Variants in JADE3 observed in about 807,000 individuals in gnomAD.
JADE3 encodes jade family PHD finger 3, also known as protein Jade-3.
JADE3 carries 2 observed loss-of-function variants against 50.1 expected under a neutral mutation model. The ratio of observed to expected loss-of-function variants is 0.04; its 90% CI spans 0.02 to 0.13. The LOEUF (loss-of-function observed/expected upper bound fraction) is 0.13. Among genes scored for constraint, JADE3 ranks in the 10% least tolerant of loss-of-function variants. The probability of loss-of-function intolerance (pLI) is 1.00; values close to 1 mark genes in which losing one functional copy is unlikely to be tolerated. For synonymous variants in JADE3, 218 were observed against 232.9 expected (o/e 0.94, Z 0.58); for missense variants, 475 against 634.4 (o/e 0.75, Z 2.70).
chrX:46,986,385 A>G (rs970232651), intron 3 of JADE3, among the ~76,000 whole-genome samples: 4 of 112,466 alleles, frequency 3.6e-5, no homozygotes, highest in African/African-American at 6.5e-5. Context: ...TTCATTTTCT[A>G]TCTCCTTTAG....
chrX:46,954,082 G>T (rs1042731802), intron 1 of JADE3, among the ~76,000 whole-genome samples: 1 of 111,665 alleles, frequency 9.0e-6, no homozygotes, highest in Non-Finnish European at 1.9e-5. Flanking sequence ...AACCTGGAGG[G>T]GGGTGGGAAT....
intron 5 of JADE3, among the ~76,000 whole-genome samples, chrX:47,027,234 A>C (rs1185586874): frequency 8.9e-6 from 1 of 112,424 alleles, no homozygotes; most frequent in Non-Finnish European, 1.9e-5. Context: ...GGAAGCAAAG[A>C]AGGTAATTCC....
intron 1 of JADE3, among the ~76,000 whole-genome samples, chrX:46,929,286 C>G (rs1926442301): frequency 8.9e-6 from 1 of 112,446 alleles, no homozygotes; most frequent in African/African-American, 3.2e-5. Flanking sequence ...ATTTAGCTCT[C>G]TTTGGAATAA....
At chrX:46,925,322 T>G (rs1434818088) in intron 1 of JADE3, among the ~76,000 whole-genome samples, 4 of 112,377 alleles carry the variant, frequency 3.6e-5, no homozygotes, top group African/African-American at 1.3e-4. Context: ...CTTTTATTTT[T>G]AAGGGAATAA....
chrX:46,957,076 C>CAG (rs1444800874), intron 1 of JADE3, among the ~76,000 whole-genome samples: 3 of 111,501 alleles, frequency 2.7e-5, no homozygotes, highest in Non-Finnish European at 5.6e-5. Flanking sequence ...CCACCTGCCT[C>CAG]AGCCTCCCAA....
intron 1 of JADE3, among the ~76,000 whole-genome samples, chrX:46,977,041 AGCT>A (rs1927642342): frequency 8.9e-6 from 1 of 112,050 alleles, no homozygotes; most frequent in African/African-American, 3.2e-5. Flanking sequence ...ACATACAAAA[AGCT>A]GTACATAGTT....
At chrX:47,039,101 A>C (rs1556368953) in intron 8 of JADE3, 36 bp downstream of exon 8, 1 of 750,183 alleles carries the variant, frequency 1.3e-6, no homozygotes. Flanking sequence ...GTGGGCTAAC[A>C]CCAAATTAGC....
intron 4 of JADE3, among the ~76,000 whole-genome samples, chrX:46,999,166 A>G (rs1352182956): frequency 9.1e-6 from 1 of 109,981 alleles, no homozygotes; most frequent in Non-Finnish European, 1.9e-5. Flanking sequence ...AGCCAAGCTC[A>G]CTTTTATGAT....
At chrX:47,041,984 CTTTCTTTT>C (rs1458856610) in intron 8 of JADE3, among the ~76,000 whole-genome samples, 3 of 109,575 alleles carry the variant, frequency 2.7e-5, no homozygotes, top group Non-Finnish European at 5.7e-5. Flanking sequence ...TTTTTCTTTT[CTTTCTTTT>C]TTTCTTTTTT....
intron 8 of JADE3, among the ~76,000 whole-genome samples, chrX:47,047,682 A>G (rs927734896): frequency 8.0e-5 from 9 of 111,979 alleles, no homozygotes; most frequent in Non-Finnish European, 1.5e-4. Context: ...TGGAAGTAAA[A>G]ACGATGCAGC....
chrX:46,948,895 A>G (rs1211144026), intron 1 of JADE3, among the ~76,000 whole-genome samples: 3 of 111,243 alleles, frequency 2.7e-5, no homozygotes, highest in African/African-American at 9.8e-5. Context: ...CTTTGTGTAG[A>G]TGGACAATAC....
At chrX:46,922,654 GT>G (rs374263509) in intron 1 of JADE3, among the ~76,000 whole-genome samples, 2,073 of 101,872 alleles carry the variant, frequency 0.02, 59 homozygotes, top group African/African-American at 0.067. Context: ...TTTTCTTACT[GT>G]TTTTTTTTTA....
intron 1 of JADE3, among the ~76,000 whole-genome samples, chrX:46,973,925 A>G (rs1290001096): frequency 2.7e-5 from 3 of 110,118 alleles, no homozygotes. Context: ...TACTAAAAAT[A>G]CAAAATTAAC....
intron 1 of JADE3, among the ~76,000 whole-genome samples, chrX:46,931,522 A>G (rs1926491363): frequency 9.1e-6 from 1 of 110,112 alleles, no homozygotes; most frequent in Non-Finnish European, 1.9e-5. Flanking sequence ...CCCGGGTTCA[A>G]GCGATTCTCC....
At chrX:47,001,103 C>T (rs1367446134) in intron 4 of JADE3, among the ~76,000 whole-genome samples, 1 of 111,721 alleles carries the variant, frequency 9.0e-6, no homozygotes, top group Non-Finnish European at 1.9e-5. Flanking sequence ...TATTGAATTC[C>T]TTAATGAAAT....
intron 6 of JADE3, among the ~76,000 whole-genome samples, chrX:47,031,633 T>A (rs911694770): frequency 8.9e-6 from 1 of 111,736 alleles, no homozygotes; most frequent in South Asian, 3.8e-4. Flanking sequence ...TCCAGCACTT[T>A]GGGAGACCAA....
chrX:46,958,509 C>T (rs782155201), intron 1 of JADE3, among the ~76,000 whole-genome samples: 1 of 111,457 alleles, frequency 9.0e-6, no homozygotes, highest in South Asian at 3.8e-4. Context: ...TGCCTGCAGC[C>T]TGCATTTTTT....
intron 8 of JADE3, among the ~76,000 whole-genome samples, chrX:47,043,503 T>A (rs1333824152): frequency 8.9e-6 from 1 of 112,014 alleles, no homozygotes; most frequent in Non-Finnish European, 1.9e-5. Flanking sequence ...TCCCATCAGG[T>A]AAATTTAACA....
intron 1 of JADE3, among the ~76,000 whole-genome samples, chrX:46,972,772 G>C (rs1927527897): frequency 9.0e-6 from 1 of 111,489 alleles, no homozygotes; most frequent in Non-Finnish European, 1.9e-5. Context: ...GCTAATTTTT[G>C]TATTTTTAGT....
Sources: gnomAD v4.1 joint callset for allele counts (sites outside exome capture counted in the v4.1 genomes callset) on GRCh38, gnomAD v4.1.1 for gene constraint, MANE v1.5 for transcripts, NCBI Gene and HGNC (gene_info 2026-07-23, HGNC 2026-07-21) for gene names.